The following DENND5B variants were observed in gnomAD, a reference collection of about 807,000 sequenced individuals.
DENND5B encodes the protein DENN domain containing 5B.
DENND5B carries 34 observed loss-of-function variants against 140.6 expected under a neutral mutation model. The observed-to-expected ratio is 0.24, with a 90% CI of 0.18 to 0.32. DENND5B has a LOEUF of 0.32. Among genes scored for constraint, DENND5B ranks in the 10% least tolerant of loss-of-function variants. The pLI is 1.00. For missense variants in DENND5B, 1,142 were observed against 1,560.2 expected (o/e 0.73, Z 4.52); for synonymous variants, 551 against 562.1 (o/e 0.98, Z 0.28).
rs151061188 is a variant in DENND5B, at chr12:31,562,580, C to T, written c.127+28126G>A. On this transcript the variant is annotated intron_variant, in intron 1 of 20. Transcript: ENST00000389082. ...GGTGAGCCGAGATCGCACCATTGCG[C>T]GCCAGCCTGGGCAACAAAGGCGAAA... Among the ~76,000 whole-genome samples, 315 of 151,702 alleles carry T rather than the reference C, an allele frequency of 2.1e-3. 2 individuals are homozygous for T. Among genetic ancestry groups the T allele is most frequent in the African/African-American group, 7.0e-3 (291 of 41,358 alleles).
At chr12:31,453,665 T>C (rs567591483) in intron 4 of DENND5B, among the ~76,000 whole-genome samples, 14 of 152,250 alleles carry the variant, frequency 9.2e-5, no homozygotes, top group African/African-American at 3.1e-4. Flanking sequence ...TGTTTCTCCC[T>C]GGCTCCCCCA....
chr12:31,499,742 G>T (rs1946932976), intron 1 of DENND5B: 1 of 1,249,094 alleles, frequency 8.0e-7, no homozygotes, highest in East Asian at 2.8e-5. Context: ...AAATGACTTT[G>T]AAGAATGGAA....
chr12:31,410,044 TTAA>T (rs1258012422), intron 13 of DENND5B, among the ~76,000 whole-genome samples: 1 of 152,188 alleles, frequency 6.6e-6, no homozygotes, highest in African/African-American at 2.4e-5. Context: ...ATATAAACAG[TTAA>T]TAAAACACTT....
At chr12:31,520,945 C>T (rs1358798205) in intron 1 of DENND5B, among the ~76,000 whole-genome samples, 1 of 152,048 alleles carries the variant, frequency 6.6e-6, no homozygotes, top group Non-Finnish European at 1.5e-5. Context: ...AATAAACATA[C>T]AAAAATGTTA....
intron 1 of DENND5B, among the ~76,000 whole-genome samples, chr12:31,558,993 T>C (rs1949387381): frequency 6.6e-6 from 1 of 152,104 alleles, no homozygotes; most frequent in Non-Finnish European, 1.5e-5. Context: ...AGAAAGAAAA[T>C]ATACTTGTCC....
At chr12:31,440,713 G>A (rs1593172140) in intron 7 of DENND5B, among the ~76,000 whole-genome samples, 1 of 152,202 alleles carries the variant, frequency 6.6e-6, no homozygotes, top group South Asian at 2.1e-4. Context: ...AGGCTGGAAT[G>A]CAGTGATGCG....
Position 31,444,208 on chromosome 12 carries a change from A to C in DENND5B, c.1862-1283T>G, listed in dbSNP as rs1299051368. ...GGAGCTGCTAATTTTGTGATTTAAG[A>C]GAAGAACCAGGTGCCTTTATAAATA... On this transcript the variant is annotated intron_variant, in intron 6 of 20. Coordinates refer to ENST00000389082, the MANE Select transcript of DENND5B (RefSeq NM_144973.4). 3.9e-5 allele frequency: 6 copies of C among 152,320 alleles called. No homozygotes were observed. In the East Asian group the frequency reaches 9.6e-4, roughly 24 times the overall value. The allele number at this position is 152,320 out of a possible 1,614,324, so 9.4% of individuals were successfully genotyped here.
chr12:31,386,525 T>C lies in DENND5B; in HGVS notation c.*1078A>G, dbSNP rs1940858326. ...CCCTGAAACACCCAGAAAGGGTTCA[T>C]TCTCTCTCTCCTTCTGTTATTTGCA... On this transcript the variant is annotated 3_prime_UTR_variant, in exon 21 of 21. Coordinates refer to ENST00000389082, the MANE Select transcript of DENND5B (RefSeq NM_144973.4). 6.6e-6 allele frequency: 1 copy of C among 152,212 alleles called. No homozygotes were observed. The highest frequency in any genetic ancestry group is 2.4e-5 in the African/African-American group (1 of 41,448). The allele number at this position is 152,212 out of a possible 1,614,324, so 9.4% of individuals were successfully genotyped here.
chr12:31,400,927 C>T (rs1303210170), intron 15 of DENND5B, among the ~76,000 whole-genome samples: 3 of 151,182 alleles, frequency 2.0e-5, no homozygotes, highest in Non-Finnish European at 4.4e-5. Context: ...ACCACAACCT[C>T]CGCCTCCCGG....
At chr12:31,495,963 A>G in intron 1 of DENND5B, 44 bp from the exon 2 acceptor site, 10 of 1,350,540 alleles carry the variant, frequency 7.4e-6, no homozygotes, top group Non-Finnish European at 1.0e-5. Context: ...CTTTTCCAAA[A>G]GCATGTCATA....
chr12:31,430,230 C>G (rs1006254250), intron 8 of DENND5B, among the ~76,000 whole-genome samples: 15 of 144,422 alleles, frequency 1.0e-4, no homozygotes, highest in Non-Finnish European at 1.8e-4. Context: ...ACCATGTTGG[C>G]CAGGCTGGAC....
intron 14 of DENND5B, among the ~76,000 whole-genome samples, chr12:31,407,098 C>T (rs960619469): frequency 1.3e-5 from 2 of 151,846 alleles, no homozygotes; most frequent in East Asian, 3.9e-4. Flanking sequence ...CTGTGCCTGG[C>T]CTCTTCGATT....
At chr12:31,418,698 T>C (rs964122881) in intron 11 of DENND5B, among the ~76,000 whole-genome samples, 3 of 151,818 alleles carry the variant, frequency 2.0e-5, no homozygotes, top group Admixed American at 6.6e-5. Context: ...AAGAAATAGG[T>C]TGACAGAGGA....
At chr12:31,585,039 G>A (rs1198579489) in intron 1 of DENND5B, among the ~76,000 whole-genome samples, 1 of 151,970 alleles carries the variant, frequency 6.6e-6, no homozygotes, top group Non-Finnish European at 1.5e-5. Flanking sequence ...TTAACAACTA[G>A]CTCTTGTGGG....
At chr12:31,489,347 T>C (rs1357042399) in intron 2 of DENND5B, among the ~76,000 whole-genome samples, 4 of 152,118 alleles carry the variant, frequency 2.6e-5, no homozygotes, top group Admixed American at 6.5e-5. Flanking sequence ...CATTAGATCT[T>C]GGTAACTCAA....
chr12:31,543,282 G>A (rs945844161), intron 1 of DENND5B, among the ~76,000 whole-genome samples: 1 of 152,142 alleles, frequency 6.6e-6, no homozygotes. Flanking sequence ...CATATGTTTT[G>A]TAACAGAAAA....
intron 17 of DENND5B, chr12:31,396,360 GTTTT>G (rs55701233): frequency 0.57 from 82,553 of 146,008 alleles, 23,655 homozygotes; most frequent in East Asian, 0.82. Flanking sequence ...TGTTGTTGTT[GTTTT>G]TTTTTTTTTT....
chr12:31,384,196 T>G lies in DENND5B; in HGVS notation c.*3407A>C, dbSNP rs1380926156. Reference sequence around the variant, plus strand: ...GCCACATAAAAACTAAGTCCTTTGTTTTGTTTTTTTGAGATGGGGTTTCCC... The same window carrying G: ...GCCACATAAAAACTAAGTCCTTTGTGTTGTTTTTTTGAGATGGGGTTTCCC... On this transcript the variant is annotated 3_prime_UTR_variant, in exon 21 of 21. Coordinates refer to ENST00000389082, the MANE Select transcript of DENND5B (RefSeq NM_144973.4). 2 of 152,112 alleles carry G rather than the reference T, an allele frequency of 1.3e-5. No individual in the cohort carries two copies. Among genetic ancestry groups the G allele is most frequent in the Admixed American group, 1.3e-4 (2 of 15,274 alleles). 9.4% of individuals were successfully genotyped at this position (152,112 alleles called of 1,614,324 possible). A position where few individuals can be genotyped will look rare whatever the true frequency, so the allele number is the denominator to read the frequency against.
intron 1 of DENND5B, among the ~76,000 whole-genome samples, chr12:31,513,654 G>C (rs987707971): frequency 6.6e-6 from 1 of 152,028 alleles, no homozygotes; most frequent in African/African-American, 2.4e-5. Context: ...GTGTTGTGTG[G>C]CTTCTTTGTT....
Sources: allele counts gnomAD v4.1 joint callset (sites outside exome capture counted in the v4.1 genomes callset), GRCh38; gene constraint gnomAD v4.1.1; transcripts MANE v1.5; gene names NCBI Gene and HGNC (gene_info 2026-07-23, HGNC 2026-07-21).